ZNF385D: variants seen among roughly 807,000 people sequenced by gnomAD.
The protein encoded by ZNF385D is zinc finger protein 385D, also known as zinc finger protein 659.
Under a neutral mutation model 35.8 loss-of-function variants are expected in ZNF385D, and 15 were observed. The ratio of observed to expected loss-of-function variants is 0.42; its 90% CI spans 0.28 to 0.64. The LOEUF (loss-of-function observed/expected upper bound fraction) is 0.64, where lower values mean the gene tolerates loss of function less well. Among genes scored for constraint, ZNF385D ranks in the 30% least tolerant of loss-of-function variants. The pLI, the probability that ZNF385D is intolerant of heterozygous loss-of-function variation, is 0.23. For missense variants in ZNF385D, 474 were observed against 494.6 expected, an observed-to-expected ratio of 0.96 and a Z score of 0.39; for synonymous variants, 212 against 186.8, an observed-to-expected ratio of 1.13 and a Z score of -1.10.
At chr3:22,263,084 C>T (rs1444246918) in intron 2 of ZNF385D, among the ~76,000 whole-genome samples, 1 of 152,000 alleles carries the variant, frequency 6.6e-6, no homozygotes, top group African/African-American at 2.4e-5. Flanking sequence ...TGCTCACTGA[C>T]CTTCCGTGGT....
At chr3:21,923,410 G>C (rs916960668) in intron 3 of ZNF385D, among the ~76,000 whole-genome samples, 4 of 152,188 alleles carry the variant, frequency 2.6e-5, no homozygotes, top group Admixed American at 2.6e-4. Context: ...ACTGTTGATA[G>C]AAATGTAAAT....
intron 2 of ZNF385D, among the ~76,000 whole-genome samples, chr3:22,371,843 G>A (rs935582226): frequency 5.9e-5 from 9 of 152,046 alleles, no homozygotes; most frequent in Non-Finnish European, 4.4e-5. Context: ...TGATTTCCTT[G>A]GAGGGACGCT....
chr3:21,753,815 G>A (rs529540877), upstream of ZNF385D, among the ~76,000 whole-genome samples: 17 of 148,228 alleles, frequency 1.1e-4, 2 homozygotes, highest in South Asian at 8.6e-4. Flanking sequence ...GTGTATTTGC[G>A]TTTTGTACTT....
At chr3:21,893,793 G>A (rs1303298653) in intron 3 of ZNF385D, among the ~76,000 whole-genome samples, 1 of 152,114 alleles carries the variant, frequency 6.6e-6, no homozygotes, top group Non-Finnish European at 1.5e-5. Context: ...TTTTATCAAA[G>A]CCATGGTTGT....
At chr3:21,847,636 T>C (rs995528512) in intron 3 of ZNF385D, among the ~76,000 whole-genome samples, 4 of 152,018 alleles carry the variant, frequency 2.6e-5, no homozygotes, top group Non-Finnish European at 5.9e-5. Flanking sequence ...TGTGTGCCAA[T>C]GTTATTGAGA....
At chr3:21,773,968 A>T (rs1365442838) in intron 3 of ZNF385D, among the ~76,000 whole-genome samples, 1 of 152,026 alleles carries the variant, frequency 6.6e-6, no homozygotes. Flanking sequence ...ATACATGCAC[A>T]CATATGTTCA....
chr3:21,854,280 G>C (rs1037570495), intron 3 of ZNF385D, among the ~76,000 whole-genome samples: 5 of 151,878 alleles, frequency 3.3e-5, no homozygotes, highest in African/African-American at 1.2e-4. Flanking sequence ...CCATAGAAAA[G>C]AAAACTTTCA....
chr3:22,068,380 G>A (rs982371575), intron 3 of ZNF385D, among the ~76,000 whole-genome samples: 4 of 152,018 alleles, frequency 2.6e-5, no homozygotes, highest in Admixed American at 6.6e-5. Flanking sequence ...ATTAAAACCC[G>A]AGATACTGTC....
chr3:21,557,745 C>A (rs944290410), intron 3 of ZNF385D, among the ~76,000 whole-genome samples: 2 of 152,156 alleles, frequency 1.3e-5, no homozygotes, highest in African/African-American at 4.8e-5. Flanking sequence ...GGTACCACTT[C>A]CTTTTTGTAC....
chr3:22,136,015 G>T (rs1361565010), intron 3 of ZNF385D, among the ~76,000 whole-genome samples: 1 of 152,128 alleles, frequency 6.6e-6, no homozygotes, highest in Non-Finnish European at 1.5e-5. Context: ...TACAAAATTA[G>T]TAAGAGAAAA....
chr3:22,046,586 AT>A (rs532457274), intron 3 of ZNF385D, among the ~76,000 whole-genome samples: 8 of 152,168 alleles, frequency 5.3e-5, no homozygotes, highest in South Asian at 2.1e-4. Context: ...ATGAAGCATC[AT>A]TTTTTTCCTT....
chr3:21,481,937 A>G (rs1223255585), intron 4 of ZNF385D, among the ~76,000 whole-genome samples: 1 of 151,714 alleles, frequency 6.6e-6, no homozygotes, highest in Non-Finnish European at 1.5e-5. Context: ...TACTCTCAAC[A>G]TTTTCTTTAG....
intron 1 of ZNF385D, among the ~76,000 whole-genome samples, chr3:21,702,027 G>A (rs181983416): frequency 2.0e-5 from 3 of 152,172 alleles, no homozygotes; most frequent in East Asian, 3.9e-4. Flanking sequence ...TGCCATTCTC[G>A]GATCTGGAGG....
chr3:22,152,672 T>A (rs1277654825), intron 3 of ZNF385D, among the ~76,000 whole-genome samples: 1 of 152,198 alleles, frequency 6.6e-6, no homozygotes, highest in Admixed American at 6.6e-5. Flanking sequence ...AAAATGACTC[T>A]TGTGATTCCA....
At chr3:22,095,440 T>G (rs1016477684) in intron 3 of ZNF385D, among the ~76,000 whole-genome samples, 17 of 151,996 alleles carry the variant, frequency 1.1e-4, no homozygotes, top group Non-Finnish European at 2.4e-4. Context: ...TCAAATATTA[T>G]CTACCTAGTT....
intron 3 of ZNF385D, among the ~76,000 whole-genome samples, chr3:21,914,557 GAAGTCGAGATACATA>G (rs1700109943): frequency 6.6e-6 from 1 of 151,936 alleles, no homozygotes; most frequent in Non-Finnish European, 1.5e-5. Flanking sequence ...TAATTGGCAT[GAAGTCGAGATACATA>G]ATTATTTAAA....
chr3:21,431,568 C>G (rs1242551633), intron 5 of ZNF385D, among the ~76,000 whole-genome samples: 1 of 152,112 alleles, frequency 6.6e-6, no homozygotes, highest in Non-Finnish European at 1.5e-5. Context: ...TTTAAATAGC[C>G]ACCTGAGGCT....
At chr3:21,941,741 C>G (rs1264443881) in intron 3 of ZNF385D, among the ~76,000 whole-genome samples, 2 of 152,032 alleles carry the variant, frequency 1.3e-5, no homozygotes, top group Non-Finnish European at 2.9e-5. Flanking sequence ...TCGTGATCCG[C>G]CCACCTCGGC....
intron 7 of ZNF385D, among the ~76,000 whole-genome samples, chr3:21,423,559 AG>A (rs1700842653): frequency 6.6e-6 from 1 of 152,218 alleles, no homozygotes; most frequent in Non-Finnish European, 1.5e-5. Context: ...CAATATAAAA[AG>A]CTTATTTGCA....
Sources: allele counts gnomAD v4.1 joint callset (sites outside exome capture counted in the v4.1 genomes callset), GRCh38; gene constraint gnomAD v4.1.1; transcripts MANE v1.5; gene names NCBI Gene and HGNC (gene_info 2026-07-23, HGNC 2026-07-21).